The following C16orf96 variants were observed in gnomAD, a reference collection of about 807,000 sequenced individuals.
C16orf96 encodes chromosome 16 open reading frame 96.
A neutral mutation model predicts 103.6 loss-of-function variants in C16orf96; 108 were observed. The observed-to-expected ratio is 1.04, with a 90% CI of 0.89 to 1.22. The LOEUF is 1.22. C16orf96 is among the 50% of genes most tolerant of loss of function. The pLI, the probability that C16orf96 is intolerant of heterozygous loss-of-function variation, is 0.00. For synonymous variants in C16orf96, 566 were observed against 593.5 expected (o/e 0.95, Z 0.67); for missense variants, 1,586 against 1,464.2 (o/e 1.08, Z -1.36).
the C16orf96 span, among the ~76,000 whole-genome samples, chr16:4,548,270 G>T: frequency 6.6e-6 from 1 of 152,172 alleles, no homozygotes; most frequent in Non-Finnish European, 1.5e-5. Flanking sequence ...GGAGCTGCTT[G>T]TGTCACCTTT....
upstream of C16orf96, among the ~76,000 whole-genome samples, chr16:4,552,422 C>T (rs1301420649): frequency 1.4e-5 from 2 of 140,118 alleles, no homozygotes; most frequent in Non-Finnish European, 1.5e-5. Flanking sequence ...ATGGAGGTTG[C>T]GGTGAGCCGA....
At chr16:4,570,754 C>G (rs2059429128) in intron 1 of C16orf96, among the ~76,000 whole-genome samples, 1 of 152,176 alleles carries the variant, frequency 6.6e-6, no homozygotes, top group Non-Finnish European at 1.5e-5. Flanking sequence ...GCATGAGCCA[C>G]CGCGCCAAGC....
intron 14 of C16orf96, among the ~76,000 whole-genome samples, chr16:4,598,873 T>C (rs868543842): frequency 7.2e-5 from 11 of 152,064 alleles, no homozygotes; most frequent in Non-Finnish European, 1.2e-4. Flanking sequence ...ATTTCACCAC[T>C]TTGGGAGGTC....
Position 4,571,385 on chromosome 16 carries a change from A to T in C16orf96, c.421-176A>T, listed in dbSNP as rs548261019. On this transcript the variant is annotated intron_variant, in intron 1 of 15. Coordinates refer to ENST00000444310, the MANE Select transcript of C16orf96 (RefSeq NM_001145011.2). Reference sequence around the variant, plus strand: ...TCCTTCTCATCCAGGCCACTTGGAGATGAGAGCACTGTTGACTTTAGTAGC... The same window carrying T: ...TCCTTCTCATCCAGGCCACTTGGAGTTGAGAGCACTGTTGACTTTAGTAGC... Among the ~76,000 whole-genome samples the T allele has an allele frequency of 9.9e-5, 15 of 152,282 alleles. No individual in the cohort carries two copies. In the South Asian group the frequency reaches 2.7e-3, roughly 27 times the overall value.
Position 4,600,523 on chromosome 16 carries a change from C to T in C16orf96, c.*206C>T. 1 of 485,912 alleles carries T rather than the reference C, an allele frequency of 2.1e-6. No individual in the cohort carries two copies. The allele number at this position is 485,912 out of a possible 1,614,324, so 30.1% of individuals were successfully genotyped here. On this transcript the variant is annotated 3_prime_UTR_variant, in exon 16 of 16. Transcript: ENST00000444310. ...CATCCCTACCAAGTCCCCTCCACGT[C>T]CGAGGCTGAGACCCATATGCCCCCC...
chr16:4,557,780 C>G lies in C16orf96; in HGVS notation c.420+871C>G, dbSNP rs59303140. ...GACCTCCCAGACTCAAGCAATCCTCCCACCTCAACCTCCCGAGTAACTGGG... is the reference window on the plus strand; with the variant it reads ...GACCTCCCAGACTCAAGCAATCCTCGCACCTCAACCTCCCGAGTAACTGGG... On this transcript the variant is annotated intron_variant, in intron 1 of 15. Coordinates refer to ENST00000444310, the MANE Select transcript of C16orf96 (RefSeq NM_001145011.2). Among the ~76,000 whole-genome samples the G allele has an allele frequency of 8.2e-3, 1,247 of 152,210 alleles. 17 individuals carry two copies. The highest frequency in any genetic ancestry group is 0.028 in the African/African-American group (1,182 of 41,520).
chr16:4,593,119 C>T lies in C16orf96; in HGVS notation c.2775-105C>T. ...TCGAGGGTGGTGACCTGAGTCTGCA[C>T]CTCCTTCCTCCTGCTGGGAAGGCTT... is the stretch of plus-strand genomic sequence containing the variant. On this transcript the variant is annotated intron_variant, in intron 11 of 15. Transcript: ENST00000444310. This position sits in a 1 kb window ranked among gnomAD's most constrained non-coding sequence, Gnocchi z 4.2. The T allele has an allele frequency of 9.8e-6, 11 of 1,119,564 alleles. No homozygotes were observed. The highest frequency in any genetic ancestry group is 1.4e-5 in the Non-Finnish European group (11 of 764,744). 69.4% of individuals were successfully genotyped at this position (1,119,564 alleles called of 1,614,324 possible).
chr16:4,579,881 G>A (rs2059562626), intron 6 of C16orf96, 134 bp from the exon 7 acceptor site: 5 of 687,656 alleles, frequency 7.3e-6, no homozygotes, highest in Middle Eastern at 3.6e-4. Context: ...AAAGTGCTGG[G>A]ATTACAGGCA....
At chr16:4,586,213 T>G (rs1309774379) in intron 7 of C16orf96, among the ~76,000 whole-genome samples, 1 of 152,142 alleles carries the variant, frequency 6.6e-6, no homozygotes, top group African/African-American at 2.4e-5. Flanking sequence ...TGAGCCGAAA[T>G]GGCGCCACTG....
At chr16:4,552,589 T>C (rs1162701717), upstream of C16orf96, among the ~76,000 whole-genome samples, 1 of 152,084 alleles carries the variant, frequency 6.6e-6, no homozygotes, top group Non-Finnish European at 1.5e-5. Context: ...ACTGTTTGAA[T>C]ATGCGATAGT....
rs375334177 is a variant in C16orf96, at chr16:4,578,188, G to A, written c.2156-752G>A. 5.2e-3 allele frequency among the ~76,000 whole-genome samples: 794 copies of A among 152,222 alleles called. 5 individuals are homozygous for A. Among genetic ancestry groups the A allele is most frequent in the Middle Eastern group, 0.027 (8 of 294 alleles). ...AGATGGAGTTTCACTTTTGTCGCCG[G>A]TTGGAGTGCAATGGCGTGATCACAG... On this transcript the variant is annotated intron_variant, in intron 5 of 15. Coordinates refer to ENST00000444310, the MANE Select transcript of C16orf96 (RefSeq NM_001145011.2).
intron 9 of C16orf96, among the ~76,000 whole-genome samples, chr16:4,589,658 CTTGTTTCCT>C (rs1897011661): frequency 6.6e-6 from 1 of 151,826 alleles, no homozygotes; most frequent in Admixed American, 6.6e-5. Context: ...AGAGATTTTA[CTTGTTTCCT>C]GGTTTAATTG....
At chr16:4,572,324 G>C (rs1287762116) in intron 2 of C16orf96, among the ~76,000 whole-genome samples, 4 of 103,090 alleles carry the variant, frequency 3.9e-5, no homozygotes, top group Non-Finnish European at 8.0e-5. Flanking sequence ...TTTTGAGATG[G>C]AGTCTCGCTC....
At chr16:4,585,125 TGA>T in intron 7 of C16orf96, among the ~76,000 whole-genome samples, 1 of 151,860 alleles carries the variant, frequency 6.6e-6, no homozygotes, top group Non-Finnish European at 1.5e-5. Context: ...CCAGCCTGGG[TGA>T]CAGACTGAGA....
In C16orf96 at chr16:4,575,788, A is replaced by T; in HGVS notation, c.1308A>T (p.Arg436=). 6.4e-7 allele frequency: 1 copy of T among 1,550,482 alleles called. No homozygotes were observed. The change falls in exon 5 of 16, where the codon CGA becomes CGT. Residue 436 remains arginine (R), a synonymous_variant. Transcript: ENST00000444310. ...PATEFGSLWP[R]PLQPYQSRQG... ...CTGAGTTTGGCTCATTGTGGCCTCG[A>T]CCACTCCAGCCATATCAGTCTCGCC...
At chr16:4,553,089 T>C (rs2059237700), upstream of C16orf96, among the ~76,000 whole-genome samples, 3 of 152,164 alleles carry the variant, frequency 2.0e-5, no homozygotes, top group Admixed American at 2.0e-4. Flanking sequence ...TCTTCAGGTC[T>C]CAGCTCAGAT....
At chr16:4,572,778 A>G (rs1293161778) in intron 2 of C16orf96, among the ~76,000 whole-genome samples, 2 of 152,178 alleles carry the variant, frequency 1.3e-5, no homozygotes, top group Non-Finnish European at 2.9e-5. Flanking sequence ...GTGCAGGCAT[A>G]CATACAAGCT....
chr16:4,579,240 G>C (rs1171296297), intron 6 of C16orf96, among the ~76,000 whole-genome samples: 2 of 152,054 alleles, frequency 1.3e-5, no homozygotes, highest in Non-Finnish European at 2.9e-5. Flanking sequence ...ACACGGTTCT[G>C]TGTCTCAGGT....
intron 6 of C16orf96, among the ~76,000 whole-genome samples, chr16:4,579,739 G>T (rs146847344): frequency 0.049 from 7,472 of 151,894 alleles, 379 homozygotes; most frequent in East Asian, 0.26. Context: ...AGCCTCCCTA[G>T]TAGCTGGGAT....
Sources: allele counts gnomAD v4.1 joint callset (sites outside exome capture counted in the v4.1 genomes callset), GRCh38; gene constraint gnomAD v4.1.1; non-coding constraint Gnocchi (gnomAD v3.1); transcripts MANE v1.5; gene names NCBI Gene and HGNC (gene_info 2026-07-23, HGNC 2026-07-21).